ADAMTS12: variants seen among roughly 807,000 people sequenced by gnomAD.
ADAMTS12 encodes A disintegrin and metalloproteinase with thrombospondin motifs 12.
Under a neutral mutation model 167.8 loss-of-function variants are expected in ADAMTS12, and 118 were observed. That is an observed-to-expected ratio of 0.70 (90% CI 0.61 to 0.82). The LOEUF is 0.82. ADAMTS12 is among the 40% of genes least tolerant of loss of function. The pLI is 0.00. For synonymous variants in ADAMTS12, 704 were observed against 716.9 expected, an observed-to-expected ratio of 0.98 and a Z score of 0.29; for missense variants, 1,916 against 1,998.8, an observed-to-expected ratio of 0.96 and a Z score of 0.79.
In ADAMTS12 at chr5:33,641,879, G is replaced by A. The variant is rs1035390471; in HGVS notation, c.1649C>T (p.Pro550Leu). 6.2e-7 allele frequency: 1 copy of A among 1,613,686 alleles called. No homozygotes were observed. The highest frequency in any genetic ancestry group is 8.5e-7 in the Non-Finnish European group (1 of 1,179,802). The change falls in exon 11 of 24, where the codon CCC becomes CTC. Residue 550 changes from proline (P) to leucine (L), a missense_variant. Transcript: ENST00000504830. The part of the protein sequence containing the change: ...SIPGGWGRWS[P>L]WSHCSRTCGA... ...ACAGGTCCTGGAACAGTGGGACCAG[G>A]GTGACCAGCGGCCCCAGCCTCCAGG...
At chr5:33,549,175 T>G in intron 21 of ADAMTS12, 32 bp downstream of exon 21, 1 of 1,601,246 alleles carries the variant, frequency 6.2e-7, no homozygotes, top group Non-Finnish European at 8.5e-7. Context: ...CCAGGTTGTG[T>G]GAGGACATCT....
At chr5:33,777,586 A>T (rs1297812267) in intron 2 of ADAMTS12, among the ~76,000 whole-genome samples, 2 of 152,160 alleles carry the variant, frequency 1.3e-5, no homozygotes, top group Non-Finnish European at 2.9e-5. Context: ...AATGGTAAAA[A>T]GCTGAAAGCT....
chr5:33,738,308 T>TC (rs1046029081), intron 3 of ADAMTS12, among the ~76,000 whole-genome samples: 1 of 40,048 alleles, frequency 2.5e-5, no homozygotes, highest in Non-Finnish European at 1.3e-4. Context: ...TGCCCTTTGA[T>TC]TTTTTTTTTG....
intron 11 of ADAMTS12, among the ~76,000 whole-genome samples, chr5:33,639,846 A>G (rs73082323): frequency 0.026 from 3,965 of 152,188 alleles, 181 homozygotes; most frequent in African/African-American, 0.091. Flanking sequence ...CCCTCCCTCA[A>G]TGTGGCCTGA....
At chr5:33,560,936 A>G (rs1230500441) in intron 20 of ADAMTS12, 91 bp downstream of exon 20, 4 of 1,478,390 alleles carry the variant, frequency 2.7e-6, no homozygotes, top group Non-Finnish European at 3.6e-6. Context: ...AAAAAAAAAA[A>G]ACGACTTTAG....
intron 2 of ADAMTS12, among the ~76,000 whole-genome samples, chr5:33,841,113 C>A (rs192237859): frequency 1.3e-5 from 2 of 152,252 alleles, no homozygotes; most frequent in Admixed American, 1.3e-4. Context: ...CACACAGTCT[C>A]CTGGCTGGAT....
intron 2 of ADAMTS12, among the ~76,000 whole-genome samples, chr5:33,795,142 G>C (rs1746725715): frequency 6.6e-6 from 1 of 152,172 alleles, no homozygotes; most frequent in South Asian, 2.1e-4. Flanking sequence ...TATAGTTCTG[G>C]CTGTAAAAGC....
At chr5:33,568,137 C>T (rs968868313) in intron 19 of ADAMTS12, among the ~76,000 whole-genome samples, 2 of 152,102 alleles carry the variant, frequency 1.3e-5, no homozygotes, top group Non-Finnish European at 2.9e-5. Context: ...AGGAAAGAAA[C>T]AGGACTAAAA....
intron 2 of ADAMTS12, among the ~76,000 whole-genome samples, chr5:33,791,995 CTTT>C (rs746021718): frequency 0.12 from 13,917 of 118,970 alleles, 622 homozygotes; most frequent in Non-Finnish European, 0.15. Flanking sequence ...TGCTTTCACA[CTTT>C]TTTTTTTTTT....
At chr5:33,891,493 T>C in intron 1 of ADAMTS12, 1 of 533,890 alleles carries the variant, frequency 1.9e-6, no homozygotes, top group Non-Finnish European at 3.3e-6. Context: ...TGCAGTGTCA[T>C]CCCTGTAAAA....
intron 2 of ADAMTS12, among the ~76,000 whole-genome samples, chr5:33,822,289 GCTCT>G (rs1747895832): frequency 6.6e-6 from 1 of 152,222 alleles, no homozygotes; most frequent in Non-Finnish European, 1.5e-5. Context: ...ACTTCTGAAA[GCTCT>G]CTAAGTGGCC....
At chr5:33,659,823 C>G (rs1188476337) in intron 6 of ADAMTS12, among the ~76,000 whole-genome samples, 1 of 152,172 alleles carries the variant, frequency 6.6e-6, no homozygotes, top group African/African-American at 2.4e-5. Context: ...TCAGGATAGT[C>G]TCTCAGAGGC....
chr5:33,803,078 A>G (rs1343333611), intron 2 of ADAMTS12, among the ~76,000 whole-genome samples: 1 of 152,080 alleles, frequency 6.6e-6, no homozygotes, highest in East Asian at 1.9e-4. Context: ...ATGAGGTGGT[A>G]GACAGTCTCT....
chr5:33,606,404 G>C (rs1253889168), intron 16 of ADAMTS12, among the ~76,000 whole-genome samples: 1 of 152,238 alleles, frequency 6.6e-6, no homozygotes, highest in Non-Finnish European at 1.5e-5. Flanking sequence ...ATAGTAGCCA[G>C]TCAACAGGAA....
At chr5:33,536,597 ATCAT>A (rs1744419663) in intron 22 of ADAMTS12, among the ~76,000 whole-genome samples, 1 of 152,144 alleles carries the variant, frequency 6.6e-6, no homozygotes, top group African/African-American at 2.4e-5. Flanking sequence ...TTAATAATAG[ATCAT>A]AGAGGTTACG....
At chr5:33,571,259 A>G (rs1746325293) in intron 19 of ADAMTS12, among the ~76,000 whole-genome samples, 1 of 152,178 alleles carries the variant, frequency 6.6e-6, no homozygotes, top group Non-Finnish European at 1.5e-5. Flanking sequence ...ATAGACATCT[A>G]CAGAACTCTC....
At position 33,641,812 on chromosome 5, in the gene ADAMTS12, G is replaced by A. The variant is rs754826756; in HGVS notation, c.1716C>T (p.Pro572=). ...VQSAERLCNN[P]EPKFGGKYCT... Reference sequence around the variant, plus strand: ...GAAATATATTTATCTGGACTCACTCGGGGTTGTTGCAGAGCCTCTCTGCGC... The same window carrying A: ...GAAATATATTTATCTGGACTCACTCAGGGTTGTTGCAGAGCCTCTCTGCGC... Residue 572 remains proline (P), a splice_region_variant and synonymous_variant, in exon 11 of 24, where the codon CCC becomes CCT. Coordinates refer to ENST00000504830, the MANE Select transcript of ADAMTS12 (RefSeq NM_030955.4). The A allele has an allele frequency of 9.3e-6, 15 of 1,607,026 alleles. No individual in the cohort carries two copies. Among genetic ancestry groups the A allele is most frequent in the Non-Finnish European group, 1.0e-5 (12 of 1,175,314 alleles).
At chr5:33,547,002 A>T (rs150868204) in intron 21 of ADAMTS12, among the ~76,000 whole-genome samples, 44 of 152,308 alleles carry the variant, frequency 2.9e-4, no homozygotes, top group Middle Eastern at 6.8e-3. Flanking sequence ...CAGGGAAATT[A>T]TATGCAATTA....
chr5:33,673,780 C>G (rs76223015), intron 5 of ADAMTS12, among the ~76,000 whole-genome samples: 7,152 of 152,208 alleles, frequency 0.047, 219 homozygotes, highest in African/African-American at 0.084. Flanking sequence ...TGTATTAGCA[C>G]TCCCTCAGAT....
Sources: allele counts gnomAD v4.1 joint callset (sites outside exome capture counted in the v4.1 genomes callset), GRCh38; gene constraint gnomAD v4.1.1; transcripts MANE v1.5; gene names NCBI Gene and HGNC (gene_info 2026-07-23, HGNC 2026-07-21).